Variants in ACAP2 observed in about 807,000 individuals in gnomAD.
The protein encoded by ACAP2 is ArfGAP with coiled-coil, ankyrin repeat and PH domains 2, also known as arf-GAP with coiled-coil, ANK repeat and PH domain-containing protein 2.
ACAP2 carries 39 observed loss-of-function variants against 115.8 expected under a neutral mutation model. That is an observed-to-expected ratio of 0.34 (90% CI 0.26 to 0.44). The LOEUF (loss-of-function observed/expected upper bound fraction) is 0.44, where lower values mean the gene tolerates loss of function less well. Among genes scored for constraint, ACAP2 ranks in the 20% least tolerant of loss-of-function variants. The pLI, the probability that ACAP2 is intolerant of heterozygous loss-of-function variation, is 1.00. For missense variants in ACAP2, 662 were observed against 927.6 expected (o/e 0.71, Z 3.72); for synonymous variants, 289 against 315.8 (o/e 0.92, Z 0.90).
At chr3:195,341,123 A>C (rs974293956) in intron 6 of ACAP2, among the ~76,000 whole-genome samples, 3 of 152,080 alleles carry the variant, frequency 2.0e-5, no homozygotes, top group Admixed American at 6.6e-5. Flanking sequence ...CTAAGCATTA[A>C]AGTTTTTTTA....
At chr3:195,283,113 T>C (rs1225713429) in intron 22 of ACAP2, among the ~76,000 whole-genome samples, 1 of 152,110 alleles carries the variant, frequency 6.6e-6, no homozygotes, top group African/African-American at 2.4e-5. Context: ...CCTAAAGCAG[T>C]GATGATTCTC....
At chr3:195,309,137 T>C (rs1250667496) in intron 10 of ACAP2, among the ~76,000 whole-genome samples, 1 of 152,210 alleles carries the variant, frequency 6.6e-6, no homozygotes, top group Non-Finnish European at 1.5e-5. Context: ...TAATAACTGT[T>C]TTAAAGTACA....
chr3:195,353,206 T>A (rs1731730503), intron 4 of ACAP2, among the ~76,000 whole-genome samples: 1 of 152,162 alleles, frequency 6.6e-6, no homozygotes, highest in East Asian at 1.9e-4. Flanking sequence ...AGAGGATCCT[T>A]GGTCAGAGGA....
In ACAP2 at chr3:195,278,075, C is replaced by T. The variant is rs1439315220; in HGVS notation, c.*1253G>A. On this transcript the variant is annotated 3_prime_UTR_variant, in exon 23 of 23. Transcript: ENST00000326793. ...CAGCCTGGGTGACACAGCAAGACGCCATCTCGGGAAAAAAAAAAAAAAAAA... is the reference window on the plus strand; with the variant it reads ...CAGCCTGGGTGACACAGCAAGACGCTATCTCGGGAAAAAAAAAAAAAAAAA... 3.6e-5 allele frequency: 5 copies of T among 138,040 alleles called. No homozygotes were observed. Among genetic ancestry groups the T allele is most frequent in the African/African-American group, 1.3e-4 (5 of 37,450 alleles). 8.6% of individuals were successfully genotyped at this position (138,040 alleles called of 1,614,324 possible).
chr3:195,442,411 CGGAAGGAAGGG>C, intron 1 of ACAP2: 1 of 309,132 alleles, frequency 3.2e-6, no homozygotes, highest in Admixed American at 5.1e-5. Flanking sequence ...CAAGAAGGGG[CGGAAGGAAGGG>C]GGAAGGAAGA....
intron 1 of ACAP2, among the ~76,000 whole-genome samples, chr3:195,394,239 T>C (rs1389740548): frequency 6.6e-6 from 1 of 151,982 alleles, no homozygotes. Flanking sequence ...TAGTCTCAGT[T>C]CCCCATAGCA....
intron 4 of ACAP2, among the ~76,000 whole-genome samples, chr3:195,379,945 C>G (rs1733837070): frequency 6.6e-6 from 1 of 152,296 alleles, no homozygotes; most frequent in African/African-American, 2.4e-5. Flanking sequence ...TACCACTTCA[C>G]ACCTACTAGG....
chr3:195,307,944 T>G (rs746411108), intron 11 of ACAP2, among the ~76,000 whole-genome samples: 6 of 152,144 alleles, frequency 3.9e-5, no homozygotes, highest in African/African-American at 1.4e-4. Context: ...ATTTGAAATC[T>G]GCAGTTTACA....
chr3:195,347,740 G>A (rs1236660412), intron 4 of ACAP2, among the ~76,000 whole-genome samples: 3 of 152,182 alleles, frequency 2.0e-5, no homozygotes, highest in East Asian at 3.8e-4. Flanking sequence ...AGGCATGGTG[G>A]CTTATCCCTA....
chr3:195,370,205 T>A (rs1458142916), intron 4 of ACAP2, among the ~76,000 whole-genome samples: 1 of 152,232 alleles, frequency 6.6e-6, no homozygotes, highest in Non-Finnish European at 1.5e-5. Flanking sequence ...AGGTTGTCTG[T>A]TTACTCTGTT....
At chr3:195,368,054 T>G (rs552149893) in intron 4 of ACAP2, among the ~76,000 whole-genome samples, 5 of 152,238 alleles carry the variant, frequency 3.3e-5, no homozygotes, top group Non-Finnish European at 7.3e-5. Flanking sequence ...TAGTGATTTT[T>G]AAAGCTGCAA....
intron 21 of ACAP2, among the ~76,000 whole-genome samples, chr3:195,288,190 A>C (rs1020716210): frequency 2.0e-5 from 3 of 152,056 alleles, no homozygotes; most frequent in African/African-American, 7.2e-5. Context: ...GAACATGGGG[A>C]GCATGGGCTT....
chr3:195,387,629 T>C (rs1261010488), intron 2 of ACAP2, among the ~76,000 whole-genome samples: 1 of 152,210 alleles, frequency 6.6e-6, no homozygotes, highest in Non-Finnish European at 1.5e-5. Context: ...CTAATTTTTG[T>C]ATTTTTAGTA....
intron 6 of ACAP2, among the ~76,000 whole-genome samples, chr3:195,340,828 C>G (rs937565015): frequency 2.0e-5 from 3 of 152,040 alleles, no homozygotes; most frequent in Non-Finnish European, 2.9e-5. Flanking sequence ...GGTAACAGGA[C>G]CCAGGAAATA....
At chr3:195,370,948 G>T (rs1391464026) in intron 4 of ACAP2, among the ~76,000 whole-genome samples, 1 of 114,068 alleles carries the variant, frequency 8.8e-6, no homozygotes, top group African/African-American at 3.8e-5. Context: ...GTGAAACTCT[G>T]TCTCAAAAAA....
intron 4 of ACAP2, among the ~76,000 whole-genome samples, chr3:195,365,787 C>T (rs1732672423): frequency 1.3e-5 from 2 of 151,740 alleles, no homozygotes; most frequent in African/African-American, 2.4e-5. Flanking sequence ...AGGAATTGCT[C>T]GCAATATGTC....
Position 195,295,790 on chromosome 3 carries a change from G to A in ACAP2, c.1590C>T (p.Val530=), listed in dbSNP as rs75042997. ...GCCTCTTTTCTTCAGAACTTTTAGA[G>A]ACAAACTTTTTTTGCTGCTCAGGAG... The part of the protein sequence containing the change: ...LSPPEQQKKF[V]SKSSEEKRLS... The change falls in exon 17 of 23, where the codon GTC becomes GTT. Residue 530 remains valine, a synonymous_variant. Coordinates refer to ENST00000326793, the MANE Select transcript of ACAP2 (RefSeq NM_012287.6). 4.3e-4 allele frequency: 692 copies of A among 1,614,032 alleles called. 2 individuals carry two copies. In the African/African-American group the frequency reaches 8.1e-3, roughly 19 times the overall value.
At chr3:195,384,996 T>C (rs1460840629) in intron 2 of ACAP2, among the ~76,000 whole-genome samples, 1 of 152,150 alleles carries the variant, frequency 6.6e-6, no homozygotes, top group African/African-American at 2.4e-5. Flanking sequence ...ACTGTCATAC[T>C]TAAACATCTA....
At chr3:195,396,812 A>AAAAAAAAAG (rs1711827152) in intron 1 of ACAP2, among the ~76,000 whole-genome samples, 1 of 149,784 alleles carries the variant, frequency 6.7e-6, no homozygotes, top group East Asian at 1.9e-4. Flanking sequence ...AAAAAAAAAA[A>AAAAAAAAAG]AAGAAGAAGT....
Sources: allele counts gnomAD v4.1 joint callset (sites outside exome capture counted in the v4.1 genomes callset), GRCh38; gene constraint gnomAD v4.1.1; transcripts MANE v1.5; gene names NCBI Gene and HGNC (gene_info 2026-07-23, HGNC 2026-07-21).